PMS1: variants seen among roughly 807,000 people sequenced by gnomAD.
PMS1 encodes the protein PMS1 protein homolog 1.
PMS1 carries 79 observed loss-of-function variants against 93.1 expected under a neutral mutation model. The ratio of observed to expected loss-of-function variants is 0.85; its 90% CI spans 0.71 to 1.02. PMS1 has a LOEUF of 1.02. Among genes scored for constraint, PMS1 ranks in the 50% least tolerant of loss-of-function variants. The pLI is 0.00. For synonymous variants in PMS1, 335 were observed against 363.4 expected, an observed-to-expected ratio of 0.92 and a Z score of 0.89; for missense variants, 1,064 against 1,085.3, an observed-to-expected ratio of 0.98 and a Z score of 0.28.
At chr2:189,836,548 C>G (rs546723988) in intron 5 of PMS1, among the ~76,000 whole-genome samples, 1 of 152,330 alleles carries the variant, frequency 6.6e-6, no homozygotes, top group Non-Finnish European at 1.5e-5. Context: ...AAACTGAATA[C>G]TGTATTCTGG....
chr2:189,801,186 CTA>C (rs1480525174), intron 3 of PMS1, among the ~76,000 whole-genome samples: 3 of 152,118 alleles, frequency 2.0e-5, no homozygotes, highest in African/African-American at 4.8e-5. Context: ...GCAGAGTAAA[CTA>C]TTGGTATTTT....
chr2:189,852,594 T>G (rs1280888230), intron 6 of PMS1, 61 bp from the exon 7 acceptor site: 1 of 1,465,302 alleles, frequency 6.8e-7, no homozygotes, highest in Non-Finnish European at 9.6e-7. Context: ...CAAAGTGTTA[T>G]ATATAGCCAG....
At chr2:189,855,996 T>A in intron 9 of PMS1, 1 of 277,650 alleles carries the variant, frequency 3.6e-6, no homozygotes, top group Non-Finnish European at 6.1e-6. Flanking sequence ...TTATATTTGG[T>A]GATAAACTAC....
chr2:189,800,829 T>TA (rs969831538), intron 3 of PMS1, among the ~76,000 whole-genome samples: 36 of 152,326 alleles, frequency 2.4e-4, no homozygotes, highest in Admixed American at 5.9e-4. Flanking sequence ...TCTGTTTATT[T>TA]AAAAAATGTT....
intron 3 of PMS1, among the ~76,000 whole-genome samples, chr2:189,799,553 T>G (rs1472469585): frequency 6.6e-6 from 1 of 152,210 alleles, no homozygotes; most frequent in African/African-American, 2.4e-5. Flanking sequence ...ATGTATTATT[T>G]TGGCACAGAG....
intron 9 of PMS1, among the ~76,000 whole-genome samples, chr2:189,858,731 A>G (rs1478010583): frequency 2.6e-5 from 4 of 152,168 alleles, no homozygotes; most frequent in East Asian, 3.8e-4. Flanking sequence ...TGTGTTTTGT[A>G]TAGCTAATCC....
intron 5 of PMS1, among the ~76,000 whole-genome samples, chr2:189,822,931 G>A (rs1462577279): frequency 1.3e-5 from 2 of 152,154 alleles, no homozygotes; most frequent in African/African-American, 4.8e-5. Flanking sequence ...CTGCAGCAGA[G>A]TGACCTCCAT....
intron 6 of PMS1, among the ~76,000 whole-genome samples, chr2:189,847,418 A>C (rs192218397): frequency 2.7e-5 from 4 of 150,688 alleles, no homozygotes; most frequent in Non-Finnish European, 3.0e-5. Context: ...CCCGTCTTTA[A>C]TTTTTTCCAT....
chr2:189,794,195 C>T (rs1034082933), intron 2 of PMS1, among the ~76,000 whole-genome samples: 3 of 152,188 alleles, frequency 2.0e-5, no homozygotes, highest in African/African-American at 7.2e-5. Context: ...TCACTGTAAC[C>T]TCCGTCTCCC....
chr2:189,812,433 A>C (rs1319721071), intron 4 of PMS1, among the ~76,000 whole-genome samples: 1 of 152,236 alleles, frequency 6.6e-6, no homozygotes, highest in Admixed American at 6.5e-5. Context: ...CACTACAAGA[A>C]ATACTAACAG....
At chr2:189,865,601 G>A (rs996274611) in intron 10 of PMS1, among the ~76,000 whole-genome samples, 1 of 152,092 alleles carries the variant, frequency 6.6e-6, no homozygotes, top group South Asian at 2.1e-4. Flanking sequence ...ATTATTGGTT[G>A]TAATATAGGG....
chr2:189,860,800 ATTTTTTTTTTTTTTTTTTTTT>A lies in PMS1; in HGVS notation c.1857-2924_1857-2904del, dbSNP rs1158514130. On this transcript the variant is annotated intron_variant, in intron 9 of 12. Transcript: ENST00000441310. ...CTAAAATCTTCTATATCTTTGAGGA[ATTTTTTTTTTTTTTTTTTTTT>A]TTTTTTTTTTTTTTTTTTGAGGAGG... is the stretch of plus-strand genomic sequence containing the variant. 3.9e-3 allele frequency among the ~76,000 whole-genome samples: 158 copies of A among 41,034 alleles called. 1 individual carries two copies. Among genetic ancestry groups the A allele is most frequent in the African/African-American group, 0.011 (129 of 11,696 alleles). 26.9% of individuals were successfully genotyped at this position (41,034 alleles called of 152,430 possible).
At chr2:189,787,626 G>A (rs1472037942) in intron 1 of PMS1, among the ~76,000 whole-genome samples, 1 of 149,136 alleles carries the variant, frequency 6.7e-6, no homozygotes, top group Non-Finnish European at 1.5e-5. Flanking sequence ...CTTTTTTAAT[G>A]TGAGTACTAG....
chr2:189,855,854 T>G (rs1311273318), intron 9 of PMS1: 1 of 1,102,414 alleles, frequency 9.1e-7, no homozygotes. Context: ...CACAAAATAT[T>G]ATGTTCTGGT....
At chr2:189,839,892 T>C (rs943667206) in intron 5 of PMS1, among the ~76,000 whole-genome samples, 1 of 152,138 alleles carries the variant, frequency 6.6e-6, no homozygotes, top group African/African-American at 2.4e-5. Flanking sequence ...AAATATGTTA[T>C]AGTATGAGAC....
intron 3 of PMS1, among the ~76,000 whole-genome samples, chr2:189,803,894 T>C (rs2050109419): frequency 6.6e-6 from 1 of 152,232 alleles, no homozygotes. Flanking sequence ...GGGTTTTTTT[T>C]TACTTTAACA....
chr2:189,867,990 C>G (rs1410411431), intron 11 of PMS1, 61 bp downstream of exon 11: 9 of 1,382,992 alleles, frequency 6.5e-6, no homozygotes, highest in Non-Finnish European at 8.2e-6. Flanking sequence ...CCAAGAGTTA[C>G]ATTTGGGTTT....
chr2:189,869,600 T>G (rs1051502382), intron 11 of PMS1, among the ~76,000 whole-genome samples: 1 of 152,050 alleles, frequency 6.6e-6, no homozygotes, highest in East Asian at 1.9e-4. Flanking sequence ...GTGGATCACC[T>G]GAGATCAGGG....
chr2:189,791,854 T>A lies in PMS1; in HGVS notation c.45T>A (p.Ser15=), dbSNP rs377616727. The part of the protein sequence containing the change: ...PAATVRLLSS[S]QIITSVVSVV... ...CAACAGTTCGACTCCTTTCAAGTTC[T>A]CAGATCATCACTTCGGTGGTCAGTG... The change falls in exon 2 of 13, where the codon TCT becomes TCA. Residue 15 remains serine (S), a synonymous_variant. Coordinates refer to ENST00000441310, the MANE Select transcript of PMS1 (RefSeq NM_000534.5). 7 of 1,613,828 alleles carry A rather than the reference T, an allele frequency of 4.3e-6. No homozygotes were observed. Among genetic ancestry groups the A allele is most frequent in the Non-Finnish European group, 5.9e-6 (7 of 1,179,788 alleles).
Sources: gnomAD v4.1 joint callset for allele counts (sites outside exome capture counted in the v4.1 genomes callset) on GRCh38, gnomAD v4.1.1 for gene constraint, MANE v1.5 for transcripts, NCBI Gene and HGNC (gene_info 2026-07-23, HGNC 2026-07-21) for gene names.